The following MRPL13 variants were observed in gnomAD, a reference collection of about 807,000 sequenced individuals.
The protein encoded by MRPL13 is large ribosomal subunit protein uL13m.
MRPL13 carries 33 observed loss-of-function variants against 29.0 expected under a neutral mutation model. The ratio of observed to expected loss-of-function variants is 1.14; its 90% CI spans 0.86 to 1.52. The LOEUF is 1.52. MRPL13 is among the 40% of genes most tolerant of loss of function. MRPL13 has a pLI of 0.00. For missense variants in MRPL13, 227 were observed against 216.7 expected (o/e 1.05, Z -0.30); for synonymous variants, 77 against 68.4 (o/e 1.13, Z -0.62).
At chr8:120,397,645 C>G (rs1460984844) in intron 6 of MRPL13, among the ~76,000 whole-genome samples, 2 of 152,176 alleles carry the variant, frequency 1.3e-5, no homozygotes, top group African/African-American at 2.4e-5. Flanking sequence ...TCCATCCCTC[C>G]TCACTGGGTG....
chr8:120,443,151 C>T (rs1813143445), intron 2 of MRPL13, 34 bp downstream of exon 2: 2 of 1,463,908 alleles, frequency 1.4e-6, no homozygotes, highest in Non-Finnish European at 1.8e-6. Flanking sequence ...ATGAAAACTA[C>T]AGTGGTTAAT....
At chr8:120,410,299 C>T (rs997503828) in intron 6 of MRPL13, among the ~76,000 whole-genome samples, 4 of 152,166 alleles carry the variant, frequency 2.6e-5, no homozygotes, top group African/African-American at 9.7e-5. Context: ...TTATCTTAAA[C>T]AAATTCCAGT....
Position 120,397,142 on chromosome 8 carries a change from C to T in MRPL13, c.516-1017G>A, listed in dbSNP as rs78767771. Among the ~76,000 whole-genome samples the T allele has an allele frequency of 1.9e-3, 292 of 152,266 alleles. 6 individuals carry two copies. In the East Asian group the frequency reaches 0.05, roughly 26 times the overall value. ...CACCTGGGAAACCACGTTTCTCTCA[C>T]GGATCTTTGCAGCCTGTGGATCAGG... On this transcript the variant is annotated intron_variant, in intron 6 of 6. Coordinates refer to ENST00000306185, the MANE Select transcript of MRPL13 (RefSeq NM_014078.6).
chr8:120,401,982 G>C (rs1033622668), intron 6 of MRPL13, among the ~76,000 whole-genome samples: 2 of 152,126 alleles, frequency 1.3e-5, no homozygotes, highest in Non-Finnish European at 2.9e-5. Context: ...GCAAACCACT[G>C]CTCAAGGAAA....
At chr8:120,407,518 C>T (rs138277899) in intron 6 of MRPL13, among the ~76,000 whole-genome samples, 102 of 152,016 alleles carry the variant, frequency 6.7e-4, no homozygotes, top group African/African-American at 2.3e-3. Context: ...TGGTGGCGGG[C>T]TCCTGTAATC....
At chr8:120,422,086 A>G (rs1489945694) in intron 4 of MRPL13, among the ~76,000 whole-genome samples, 1 of 151,820 alleles carries the variant, frequency 6.6e-6, no homozygotes, top group Non-Finnish European at 1.5e-5. Context: ...TATAAACAAT[A>G]CAAAATAAAT....
chr8:120,419,843 C>T lies in MRPL13; in HGVS notation c.393+9G>A, dbSNP rs1164156877. 19 of 1,584,314 alleles carry T rather than the reference C, an allele frequency of 1.2e-5. No individual in the cohort carries two copies. The highest frequency in any genetic ancestry group is 1.6e-5 in the Non-Finnish European group (19 of 1,167,320). ...GGAAAAGCATTGTTACCAATGACCACTGACTTACCTCATCTGGAAAAAGAT... is the reference window on the plus strand; with the variant it reads ...GGAAAAGCATTGTTACCAATGACCATTGACTTACCTCATCTGGAAAAAGAT... On this transcript the variant is annotated intron_variant, in intron 5 of 6. Transcript: ENST00000306185.
intron 2 of MRPL13, among the ~76,000 whole-genome samples, chr8:120,439,811 A>G (rs1321107499): frequency 6.6e-6 from 1 of 152,366 alleles, no homozygotes; most frequent in African/African-American, 2.4e-5. Context: ...AGCAGCAAGT[A>G]TAAGAAATTA....
chr8:120,403,211 C>T (rs1242878356), intron 6 of MRPL13, among the ~76,000 whole-genome samples: 1 of 152,108 alleles, frequency 6.6e-6, no homozygotes, highest in Non-Finnish European at 1.5e-5. Context: ...ATGTTCATTG[C>T]AGCACTATTC....
intron 2 of MRPL13, among the ~76,000 whole-genome samples, chr8:120,435,500 G>A (rs983072625): frequency 1.3e-5 from 2 of 151,986 alleles, no homozygotes; most frequent in African/African-American, 4.8e-5. Flanking sequence ...TAGGATTATG[G>A]CCTCCAGCTC....
chr8:120,404,416 T>C (rs907392979), intron 6 of MRPL13, among the ~76,000 whole-genome samples: 14 of 152,194 alleles, frequency 9.2e-5, no homozygotes, highest in Non-Finnish European at 1.6e-4. Flanking sequence ...AATGTGGACA[T>C]TGACCTCAAA....
intron 4 of MRPL13, 109 bp downstream of exon 4, chr8:120,425,197 T>G: frequency 5.1e-6 from 4 of 782,404 alleles, no homozygotes; most frequent in Non-Finnish European, 8.1e-6. Context: ...AGTGAAGAAT[T>G]TATATCCTTG....
chr8:120,400,733 TAAATAAATAAAAA>T (rs1812584246), intron 6 of MRPL13, among the ~76,000 whole-genome samples: 1 of 136,782 alleles, frequency 7.3e-6, no homozygotes, highest in African/African-American at 3.1e-5. Flanking sequence ...AATAAATAAA[TAAATAAATAAAAA>T]AAATAGACTG....
chr8:120,404,321 T>C (rs1458027954), intron 6 of MRPL13, among the ~76,000 whole-genome samples: 7 of 152,188 alleles, frequency 4.6e-5, no homozygotes, highest in Non-Finnish European at 7.3e-5. Flanking sequence ...AAAAGGTTAA[T>C]TTATTTAATT....
At chr8:120,429,337 A>C (rs1223159889) in intron 3 of MRPL13, among the ~76,000 whole-genome samples, 1 of 152,050 alleles carries the variant, frequency 6.6e-6, no homozygotes, top group Non-Finnish European at 1.5e-5. Flanking sequence ...ACACACACTG[A>C]GGCCTATTGG....
At chr8:120,401,042 A>G (rs918901002) in intron 6 of MRPL13, among the ~76,000 whole-genome samples, 2 of 152,158 alleles carry the variant, frequency 1.3e-5, no homozygotes, top group African/African-American at 4.8e-5. Context: ...CCACAACCAG[A>G]CAGATTTAGA....
At chr8:120,440,454 A>C (rs1813104709) in intron 2 of MRPL13, among the ~76,000 whole-genome samples, 1 of 151,968 alleles carries the variant, frequency 6.6e-6, no homozygotes, top group Non-Finnish European at 1.5e-5. Context: ...AAAAATACAA[A>C]CTTAGTCAGG....
intron 6 of MRPL13, among the ~76,000 whole-genome samples, chr8:120,399,947 T>C (rs1812571136): frequency 6.6e-6 from 1 of 152,188 alleles, no homozygotes; most frequent in South Asian, 2.1e-4. Context: ...ATCCTAAATA[T>C]ATATGCACCT....
intron 6 of MRPL13, 63 bp downstream of exon 6, chr8:120,413,928 C>T: frequency 1.4e-6 from 2 of 1,416,978 alleles, no homozygotes; most frequent in Non-Finnish European, 1.8e-6. Context: ...CTTATTTAAT[C>T]ATATGGTTGA....
Sources: gnomAD v4.1 joint callset for allele counts (sites outside exome capture counted in the v4.1 genomes callset) on GRCh38, gnomAD v4.1.1 for gene constraint, MANE v1.5 for transcripts, NCBI Gene and HGNC (gene_info 2026-07-23, HGNC 2026-07-21) for gene names.